TSPAN7: variants seen among roughly 807,000 people sequenced by gnomAD.
TSPAN7 encodes tetraspanin-7.
A neutral mutation model predicts 17.6 loss-of-function variants in TSPAN7; 1 was observed. The observed-to-expected ratio is 0.06, with a 90% confidence interval of 0.02 to 0.27. The LOEUF (loss-of-function observed/expected upper bound fraction) is 0.27, where lower values mean the gene tolerates loss of function less well. Among genes scored for constraint, TSPAN7 ranks in the 10% least tolerant of loss-of-function variants. TSPAN7 has a pLI of 1.00. For synonymous variants in TSPAN7, 78 were observed against 79.0 expected, an observed-to-expected ratio of 0.99 and a Z score of 0.07; for missense variants, 112 against 201.7, an observed-to-expected ratio of 0.56 and a Z score of 2.69.
At chrX:38,644,721 G>C (rs1383921698) in intron 1 of TSPAN7, among the ~76,000 whole-genome samples, 1 of 112,272 alleles carries the variant, frequency 8.9e-6, no homozygotes, top group African/African-American at 3.2e-5. Flanking sequence ...AAAATTGTGA[G>C]GGTTGGACTA....
At chrX:38,604,506 C>G (rs1372311889) in intron 1 of TSPAN7, among the ~76,000 whole-genome samples, 218 of 110,908 alleles carry the variant, frequency 2.0e-3, no homozygotes, top group Non-Finnish European at 3.3e-3. Flanking sequence ...AAAAGTGTTC[C>G]TATTTCTCCA....
intron 1 of TSPAN7, among the ~76,000 whole-genome samples, chrX:38,606,256 T>C (rs1377760543): frequency 1.8e-5 from 2 of 111,466 alleles, no homozygotes; most frequent in Admixed American, 1.9e-4. Context: ...GCAAAGGACA[T>C]GAACAGACAC....
chrX:38,681,863 C>T (rs911058754), intron 6 of TSPAN7, among the ~76,000 whole-genome samples: 2 of 111,344 alleles, frequency 1.8e-5, no homozygotes, highest in African/African-American at 6.5e-5. Flanking sequence ...TGTACCTACC[C>T]TCAAAAAAAA....
At chrX:38,633,834 T>C (rs1256179604) in intron 1 of TSPAN7, among the ~76,000 whole-genome samples, 1 of 112,475 alleles carries the variant, frequency 8.9e-6, no homozygotes, top group Non-Finnish European at 1.9e-5. Flanking sequence ...CTATAGATTA[T>C]ATTGCTGCTT....
chrX:38,568,457 C>A (rs1488247301), intron 1 of TSPAN7, among the ~76,000 whole-genome samples: 1 of 110,753 alleles, frequency 9.0e-6, no homozygotes, highest in African/African-American at 3.3e-5. Context: ...GTTTGGAAAT[C>A]ATTTATCCTC....
intron 1 of TSPAN7, among the ~76,000 whole-genome samples, chrX:38,598,531 A>G (rs2147409754): frequency 9.0e-6 from 1 of 111,202 alleles, no homozygotes; most frequent in Non-Finnish European, 1.9e-5. Flanking sequence ...GATTTTTAAA[A>G]TTATTATTTC....
intron 1 of TSPAN7, among the ~76,000 whole-genome samples, chrX:38,633,338 A>T (rs1214984605): frequency 8.9e-6 from 1 of 111,936 alleles, no homozygotes; most frequent in Non-Finnish European, 1.9e-5. Flanking sequence ...TAATGCCTAA[A>T]TTTGGCCTTA....
In TSPAN7 at chrX:38,639,541, C is replaced by A. The variant is rs148065301; in HGVS notation, c.82-26580C>A. ...GTTTGAATCCCACCTTTTGTGAAAT[C>A]TTTTTTTGCTTTTCCTGGTGAGAAG... On this transcript the variant is annotated intron_variant, in intron 1 of 7. Coordinates refer to ENST00000378482, the MANE Select transcript of TSPAN7 (RefSeq NM_004615.4). Among the ~76,000 whole-genome samples the A allele has an allele frequency of 2.3e-3, 238 of 102,390 alleles. 2 individuals are homozygous for A. Among genetic ancestry groups the A allele is most frequent in the African/African-American group, 7.2e-3 (201 of 27,811 alleles). The allele number at this position is 102,390 out of a possible 115,157, so 88.9% of individuals were successfully genotyped here. A position where few individuals can be genotyped will look rare whatever the true frequency, so the allele number is the denominator to read the frequency against.
intron 1 of TSPAN7, among the ~76,000 whole-genome samples, chrX:38,645,161 T>C (rs1447949615): frequency 8.9e-6 from 1 of 112,281 alleles, no homozygotes; most frequent in East Asian, 2.8e-4. Flanking sequence ...GGCTGCTCAT[T>C]GCTACTGTGA....
intron 1 of TSPAN7, among the ~76,000 whole-genome samples, chrX:38,624,754 T>C (rs1243921241): frequency 8.9e-6 from 1 of 112,913 alleles, no homozygotes; most frequent in Non-Finnish European, 1.9e-5. Context: ...TCCTCTAAAG[T>C]GGTAGTTCTC....
intron 1 of TSPAN7, among the ~76,000 whole-genome samples, chrX:38,599,939 CTA>C: frequency 8.9e-6 from 1 of 111,850 alleles, no homozygotes; most frequent in Non-Finnish European, 1.9e-5. Flanking sequence ...AAATCTCTTT[CTA>C]GTAGCAGTTG....
chrX:38,676,510 C>T (rs1045445179), intron 5 of TSPAN7, among the ~76,000 whole-genome samples: 14 of 111,877 alleles, frequency 1.3e-4, no homozygotes, highest in East Asian at 8.4e-4. Flanking sequence ...ACAGAGAATA[C>T]GATGAAGACA....
intron 1 of TSPAN7, among the ~76,000 whole-genome samples, chrX:38,582,611 G>A (rs1487151497): frequency 8.9e-6 from 1 of 111,777 alleles, no homozygotes; most frequent in Non-Finnish European, 1.9e-5. Flanking sequence ...TAAGGATTTT[G>A]GAGGATTTGT....
intron 6 of TSPAN7, 117 bp downstream of exon 6, chrX:38,681,404 G>C: frequency 3.3e-6 from 2 of 615,173 alleles, no homozygotes; most frequent in Non-Finnish European, 5.5e-6. Flanking sequence ...TGGGGTCAAA[G>C]CTCCTTGCTC....
intron 1 of TSPAN7, among the ~76,000 whole-genome samples, chrX:38,626,991 C>A (rs999782002): frequency 9.0e-6 from 1 of 111,064 alleles, no homozygotes; most frequent in Non-Finnish European, 1.9e-5. Context: ...CTGGGTATGG[C>A]CTTATCATAG....
At chrX:38,585,990 G>A (rs1040525838) in intron 1 of TSPAN7, among the ~76,000 whole-genome samples, 3 of 112,686 alleles carry the variant, frequency 2.7e-5, no homozygotes, top group Non-Finnish European at 5.6e-5. Context: ...ATAAATCACA[G>A]AGTCTTAGGT....
chrX:38,620,212 A>G (rs1426907172), intron 1 of TSPAN7, among the ~76,000 whole-genome samples: 1 of 111,993 alleles, frequency 8.9e-6, no homozygotes, highest in Non-Finnish European at 1.9e-5. Context: ...TTGCAACTCT[A>G]ACTCATCAGT....
chrX:38,643,572 C>T (rs987669829), intron 1 of TSPAN7, among the ~76,000 whole-genome samples: 3 of 106,997 alleles, frequency 2.8e-5, no homozygotes, highest in Admixed American at 2.0e-4. Context: ...CACGGTGGCT[C>T]ATGCCTGTAA....
chrX:38,671,308 C>T, intron 2 of TSPAN7, 68 bp from the exon 3 acceptor site: 2 of 1,074,860 alleles, frequency 1.9e-6, no homozygotes, highest in South Asian at 3.7e-5. Context: ...TGAAAGTAAC[C>T]TACCCTGAAG....
Sources: gnomAD v4.1 joint callset for allele counts (sites outside exome capture counted in the v4.1 genomes callset) on GRCh38, gnomAD v4.1.1 for gene constraint, MANE v1.5 for transcripts, NCBI Gene and HGNC (gene_info 2026-07-23, HGNC 2026-07-21) for gene names.